CLPB: variants seen among roughly 807,000 people sequenced by gnomAD.
CLPB encodes ClpB family mitochondrial disaggregase.
In CLPB, 40 loss-of-function variants were observed where a neutral mutation model predicts 78.4. That is an observed-to-expected ratio of 0.51 (90% confidence interval 0.40 to 0.66). The LOEUF is 0.66. Ranked by LOEUF, CLPB falls within the 30% of genes least tolerant of loss-of-function variation. The pLI is 0.00. For synonymous variants in CLPB, 333 were observed against 348.0 expected, an observed-to-expected ratio of 0.96 and a Z score of 0.48; for missense variants, 780 against 886.9, an observed-to-expected ratio of 0.88 and a Z score of 1.53.
At position 72,317,224 on chromosome 11, in the gene CLPB, TG is replaced by T; in HGVS notation, c.874-5del. The T allele has an allele frequency of 1.2e-6, 2 of 1,604,072 alleles. No homozygotes were observed. Among genetic ancestry groups the T allele is most frequent in the East Asian group, 2.3e-5 (1 of 44,406 alleles). Reference sequence around the variant, plus strand: ...GCTTCCGCTGCTTCTCTTGGTACTGTGGGGAGAGAGGGCAAATGGTTGAGGG... The same window carrying T: ...GCTTCCGCTGCTTCTCTTGGTACTGTGGGAGAGAGGGCAAATGGTTGAGGG... On this transcript the variant is annotated splice_region_variant and splice_polypyrimidine_tract_variant and intron_variant, in intron 6 of 15. Transcript: ENST00000538039.
chr11:72,338,778 T>C (rs1045582014), intron 5 of CLPB, among the ~76,000 whole-genome samples: 1 of 152,226 alleles, frequency 6.6e-6, no homozygotes, highest in Non-Finnish European at 1.5e-5. Flanking sequence ...ATGATGATGA[T>C]CACTAGGCAT....
intron 8 of CLPB, 104 bp downstream of exon 8, chr11:72,308,423 G>A (rs1156534268): frequency 4.3e-6 from 4 of 934,554 alleles, no homozygotes; most frequent in Admixed American, 3.7e-5. Flanking sequence ...AGTTGACCTA[G>A]AGCTGGACCT....
At chr11:72,319,366 A>G (rs1164667500) in intron 6 of CLPB, among the ~76,000 whole-genome samples, 2 of 152,214 alleles carry the variant, frequency 1.3e-5, no homozygotes, top group Non-Finnish European at 2.9e-5. Context: ...AATTTGTGTT[A>G]CTAACTGAAT....
intron 2 of CLPB, among the ~76,000 whole-genome samples, chr11:72,418,681 CCT>C (rs1341582185): frequency 1.3e-5 from 2 of 151,974 alleles, no homozygotes; most frequent in African/African-American, 2.4e-5. Context: ...ATGGCGAAAC[CCT>C]GTCTCTACTA....
At chr11:72,400,713 G>A (rs1855536622) in intron 3 of CLPB, among the ~76,000 whole-genome samples, 1 of 152,306 alleles carries the variant, frequency 6.6e-6, no homozygotes, top group South Asian at 2.1e-4. Context: ...ATGTGTTTGT[G>A]TACAGAGATC....
chr11:72,296,903 T>G (rs1294048122), intron 11 of CLPB, among the ~76,000 whole-genome samples: 1 of 151,928 alleles, frequency 6.6e-6, no homozygotes, highest in Non-Finnish European at 1.5e-5. Context: ...TTGTTCGAGG[T>G]TTCACAGCTA....
At chr11:72,331,872 CCA>C (rs1169006008) in intron 5 of CLPB, among the ~76,000 whole-genome samples, 1 of 152,120 alleles carries the variant, frequency 6.6e-6, no homozygotes, top group East Asian at 1.9e-4. Context: ...CCATGCCCAG[CCA>C]CAGTCTCTAC....
rs1294080885 is a variant in CLPB at position 72,286,084 on chromosome 11, A to G, written c.*7283T>C. The G allele has an allele frequency of 6.6e-6, 1 of 151,664 alleles. No homozygotes were observed. Among genetic ancestry groups the G allele is most frequent in the East Asian group, 1.9e-4 (1 of 5,150 alleles). 9.4% of individuals were successfully genotyped at this position (151,664 alleles called of 1,614,324 possible). On this transcript the variant is annotated 3_prime_UTR_variant, in exon 16 of 16. Coordinates refer to ENST00000538039, the MANE Select transcript of CLPB (RefSeq NM_001258392.3). ...GTAGCTGAGACCACAGGTGGATGCC[A>G]CCACAACCAGCTAATTTTTTGCAGA...
chr11:72,331,227 C>A (rs995003965), intron 5 of CLPB, among the ~76,000 whole-genome samples: 1 of 151,708 alleles, frequency 6.6e-6, no homozygotes, highest in Non-Finnish European at 1.5e-5. Context: ...CATGGTGAAA[C>A]GCCATCTCTC....
At chr11:72,418,386 A>C (rs1269410378) in intron 2 of CLPB, among the ~76,000 whole-genome samples, 1 of 152,224 alleles carries the variant, frequency 6.6e-6, no homozygotes, top group Non-Finnish European at 1.5e-5. Context: ...AACATGACAC[A>C]GCAATGGTGT....
chr11:72,427,038 G>A (rs981977185), intron 2 of CLPB, among the ~76,000 whole-genome samples: 1 of 152,252 alleles, frequency 6.6e-6, no homozygotes, highest in African/African-American at 2.4e-5. Context: ...AGAAGGCTCT[G>A]TAAGGAAAGC....
chr11:72,327,811 A>C (rs942771974), intron 6 of CLPB, among the ~76,000 whole-genome samples: 1 of 152,188 alleles, frequency 6.6e-6, no homozygotes, highest in Non-Finnish European at 1.5e-5. Context: ...TGCTCCTAGG[A>C]CAGAAAAATC....
chr11:72,301,524 C>T (rs543536769), intron 11 of CLPB, among the ~76,000 whole-genome samples: 2 of 152,294 alleles, frequency 1.3e-5, no homozygotes, highest in African/African-American at 4.8e-5. Context: ...ATTCATGTCT[C>T]GCTCTCATGG....
At chr11:72,353,248 T>C (rs777930134) in intron 5 of CLPB, 2 of 152,232 alleles carry the variant, frequency 1.3e-5, no homozygotes, top group African/African-American at 4.8e-5. Context: ...CAGTGCAGAC[T>C]TGGAGATGGG....
Position 72,342,257 on chromosome 11 carries a change from T to G in CLPB, c.776-12453A>C, listed in dbSNP as rs115550609. ...GTTCTACGGAAAATAGGTAGATCAG[T>G]GTGGTTAGAAAGAGGTGGTATAAAA... On this transcript the variant is annotated intron_variant, in intron 5 of 15. Coordinates refer to ENST00000538039, the MANE Select transcript of CLPB (RefSeq NM_001258392.3). Among the ~76,000 whole-genome samples, 912 of 152,196 alleles carry G rather than the reference T, an allele frequency of 6.0e-3. 9 individuals carry two copies. Among genetic ancestry groups the G allele is most frequent in the African/African-American group, 0.021 (875 of 41,506 alleles).
At chr11:72,429,656 C>T (rs1856489157) in intron 2 of CLPB, among the ~76,000 whole-genome samples, 1 of 152,214 alleles carries the variant, frequency 6.6e-6, no homozygotes, top group African/African-American at 2.4e-5. Context: ...ACTGATGCCC[C>T]ATGCTGGCCC....
At chr11:72,331,490 C>T (rs1218495010) in intron 5 of CLPB, among the ~76,000 whole-genome samples, 1 of 151,724 alleles carries the variant, frequency 6.6e-6, no homozygotes, top group Non-Finnish European at 1.5e-5. Context: ...ATCCTCCTGC[C>T]TTGACCTCCC....
intron 4 of CLPB, among the ~76,000 whole-genome samples, chr11:72,375,155 A>T (rs984664541): frequency 2.6e-5 from 4 of 152,206 alleles, no homozygotes; most frequent in African/African-American, 9.6e-5. Context: ...ACAGGAGCAT[A>T]GCTTCTTACA....
At chr11:72,396,302 G>C (rs555171635) in intron 3 of CLPB, among the ~76,000 whole-genome samples, 1 of 152,154 alleles carries the variant, frequency 6.6e-6, no homozygotes, top group East Asian at 1.9e-4. Flanking sequence ...GAGGGAGGGA[G>C]ACTCTTGTGG....
Sources: allele counts gnomAD v4.1 joint callset (sites outside exome capture counted in the v4.1 genomes callset), GRCh38; gene constraint gnomAD v4.1.1; transcripts MANE v1.5; gene names NCBI Gene and HGNC (gene_info 2026-07-23, HGNC 2026-07-21).